MYO1D: variants seen among roughly 807,000 people sequenced by gnomAD.
MYO1D encodes the protein myosin ID.
MYO1D carries 83 observed loss-of-function variants against 122.0 expected under a neutral mutation model. The observed-to-expected ratio is 0.68, with a 90% CI of 0.57 to 0.82. The LOEUF is 0.82. Ranked by LOEUF, MYO1D falls within the 40% of genes least tolerant of loss-of-function variation. The pLI is 0.00. For missense variants in MYO1D, 1,157 were observed against 1,269.5 expected, an observed-to-expected ratio of 0.91 and a Z score of 1.35; for synonymous variants, 464 against 446.9, an observed-to-expected ratio of 1.04 and a Z score of -0.48.
chr17:32,705,299 C>T (rs1450948266), intron 16 of MYO1D, among the ~76,000 whole-genome samples: 3 of 151,980 alleles, frequency 2.0e-5, no homozygotes, highest in African/African-American at 4.8e-5. Context: ...TCACTCTGTC[C>T]CCCAGGCTGG....
At chr17:32,552,948 C>G (rs1181593298) in intron 21 of MYO1D, among the ~76,000 whole-genome samples, 7 of 151,908 alleles carry the variant, frequency 4.6e-5, no homozygotes, top group Non-Finnish European at 8.8e-5. Context: ...TTTAAAGAAG[C>G]ATGCCAGGCT....
At chr17:32,506,452 A>G (rs1300516829) in intron 21 of MYO1D, among the ~76,000 whole-genome samples, 2 of 152,138 alleles carry the variant, frequency 1.3e-5, no homozygotes, top group Non-Finnish European at 2.9e-5. Flanking sequence ...AAAAATTATA[A>G]TAATGGGAAA....
intron 21 of MYO1D, among the ~76,000 whole-genome samples, chr17:32,570,509 A>G (rs936846445): frequency 6.6e-6 from 1 of 151,208 alleles, no homozygotes; most frequent in Non-Finnish European, 1.5e-5. Flanking sequence ...GACTACAGGC[A>G]CCCGCCACAT....
At chr17:32,516,285 A>G (rs1005956777) in intron 21 of MYO1D, among the ~76,000 whole-genome samples, 3 of 152,220 alleles carry the variant, frequency 2.0e-5, no homozygotes, top group Non-Finnish European at 4.4e-5. Flanking sequence ...ACCAGTGGCC[A>G]TGGTCCAGTG....
rs2090223373 is a variant in MYO1D, at chr17:32,780,464, T to C, written c.304+112A>G. The stretch of plus-strand genomic sequence containing the variant: ...ATCACTTTTCTCTCTCCTATAGAAT[T>C]GCTCAGGCTTCTACCTTTAAAAAAA... On this transcript the variant is annotated intron_variant, in intron 2 of 21. Transcript: ENST00000318217. The C allele has an allele frequency of 2.3e-5, 24 of 1,029,614 alleles. No individual in the cohort carries two copies. The South Asian group carries it at 3.3e-4, about 14-fold the overall frequency. The allele number at this position is 1,029,614 out of a possible 1,614,324, so 63.8% of individuals were successfully genotyped here. A position where few individuals can be genotyped will look rare whatever the true frequency, so the allele number is the denominator to read the frequency against.
Position 32,767,721 on chromosome 17 carries a change from A to G in MYO1D, c.746T>C (p.Val249Ala). The G allele has an allele frequency of 6.2e-7, 1 of 1,613,806 alleles. No individual in the cohort carries two copies. Residue 249 changes from valine to alanine, a missense_variant, in exon 7 of 22, where the codon GTT (valine) becomes GCT (alanine). By Grantham distance (64) the Val-to-Ala change is moderately conservative (BLOSUM62 0). Transcript: ENST00000318217. ...SSINDAAEFR[V>A]VADAMKVIGF... Reference sequence around the variant, plus strand: ...AATGACTTTCATGGCATCAGCAACAACTCTGAATTCGGCAGCATCATTGAT... The same window carrying G: ...AATGACTTTCATGGCATCAGCAACAGCTCTGAATTCGGCAGCATCATTGAT...
intron 21 of MYO1D, among the ~76,000 whole-genome samples, chr17:32,571,043 G>A (rs1051492399): frequency 2.0e-5 from 3 of 152,240 alleles, no homozygotes; most frequent in Middle Eastern, 3.4e-3. Context: ...AGGGGACTCA[G>A]AAGTCACAAG....
rs143048484 is a variant in MYO1D, at chr17:32,838,337, A to C, written c.95+38441T>G. The stretch of plus-strand genomic sequence containing the variant: ...ATGATGCATACCTTATCATTTATTA[A>C]ATTTTTAGACACGAAATAGTCTGCT... On this transcript the variant is annotated intron_variant, in intron 1 of 21. Transcript: ENST00000318217. Among the ~76,000 whole-genome samples the C allele has an allele frequency of 4.6e-5, 7 of 152,262 alleles. No homozygotes were observed. The East Asian group carries it at 1.2e-3, about 25-fold the overall frequency.
chr17:32,710,490 A>G (rs183540702), intron 16 of MYO1D, among the ~76,000 whole-genome samples: 1 of 152,346 alleles, frequency 6.6e-6, no homozygotes, highest in African/African-American at 2.4e-5. Flanking sequence ...CATACAGTTC[A>G]TAGAAGAAAA....
intron 21 of MYO1D, among the ~76,000 whole-genome samples, chr17:32,582,348 T>G (rs1353001073): frequency 6.6e-6 from 1 of 152,244 alleles, no homozygotes; most frequent in Non-Finnish European, 1.5e-5. Flanking sequence ...TTACATGAAT[T>G]TTGAAATGTT....
chr17:32,761,984 TTCTC>T (rs781478269), intron 8 of MYO1D, among the ~76,000 whole-genome samples: 2 of 152,204 alleles, frequency 1.3e-5, no homozygotes, highest in Non-Finnish European at 2.9e-5. Context: ...GAAAAAATTA[TTCTC>T]TCTGTCTCTC....
At chr17:32,498,758 G>A (rs892950753) in intron 21 of MYO1D, 6 of 152,212 alleles carry the variant, frequency 3.9e-5, no homozygotes, top group African/African-American at 1.4e-4. Context: ...CAAAAGAGAT[G>A]GTTCAAGAGA....
intron 16 of MYO1D, among the ~76,000 whole-genome samples, chr17:32,692,474 TTTC>T (rs1253838126): frequency 1.3e-5 from 2 of 152,252 alleles, no homozygotes; most frequent in African/African-American, 2.4e-5. Flanking sequence ...AGAAAAGCTG[TTTC>T]TTTTCATAAA....
intron 1 of MYO1D, among the ~76,000 whole-genome samples, chr17:32,868,945 A>G (rs1380832849): frequency 6.6e-6 from 1 of 152,068 alleles, no homozygotes; most frequent in Non-Finnish European, 1.5e-5. Context: ...TCGGTGGCTC[A>G]TGCCTGTAAT....
chr17:32,849,808 T>G (rs1249047749), intron 1 of MYO1D, among the ~76,000 whole-genome samples: 2 of 23,448 alleles, frequency 8.5e-5, no homozygotes, highest in African/African-American at 1.8e-4. Flanking sequence ...AAACTTAAAG[T>G]ATAATAAAAA....
intron 21 of MYO1D, among the ~76,000 whole-genome samples, chr17:32,598,352 T>G (rs562540466): frequency 5.3e-4 from 81 of 152,188 alleles, no homozygotes; most frequent in African/African-American, 1.8e-3. Flanking sequence ...CCAGCCTGGG[T>G]GACACAGCAA....
chr17:32,508,769 G>A (rs1269855820), intron 21 of MYO1D, among the ~76,000 whole-genome samples: 1 of 152,186 alleles, frequency 6.6e-6, no homozygotes, highest in African/African-American at 2.4e-5. Context: ...ATAGAGTAGA[G>A]GCAGGATTTG....
rs753140048 is a variant in MYO1D at position 32,654,539 on chromosome 17, A to G, written c.2428T>C (p.Leu810=). The stretch of plus-strand genomic sequence containing the variant: ...CCGAGGTCAGCCCTTTGACCCTTCA[A>G]CATTTCCACGGCTGCAACCTTTGCC... The part of the protein sequence containing the change: ...VRAKVAAVEM[L]KGQRADLGLQ... The change falls in exon 18 of 22, where the codon TTG becomes CTG. Residue 810 remains leucine, a synonymous_variant. Transcript: ENST00000318217. The G allele has an allele frequency of 1.2e-5, 19 of 1,614,148 alleles. No individual in the cohort carries two copies. In the South Asian group the frequency reaches 2.0e-4, roughly 17 times the overall value.
At chr17:32,857,392 T>G (rs551204605) in intron 1 of MYO1D, among the ~76,000 whole-genome samples, 85 of 152,254 alleles carry the variant, frequency 5.6e-4, no homozygotes, top group African/African-American at 1.9e-3. Flanking sequence ...GAGACCATCC[T>G]GGCTAACACG....
Sources: allele counts gnomAD v4.1 joint callset (sites outside exome capture counted in the v4.1 genomes callset), GRCh38; gene constraint gnomAD v4.1.1; transcripts MANE v1.5; gene names NCBI Gene and HGNC (gene_info 2026-07-23, HGNC 2026-07-21).